Variants in ARHGEF9 observed in about 807,000 individuals in gnomAD.
The protein encoded by ARHGEF9 is rho guanine nucleotide exchange factor 9.
ARHGEF9 carries 2 observed loss-of-function variants against 41.3 expected under a neutral mutation model. The observed-to-expected ratio is 0.05, with a 90% CI of 0.02 to 0.15. ARHGEF9 has a LOEUF of 0.15. Among genes scored for constraint, ARHGEF9 ranks in the 10% least tolerant of loss-of-function variants. The pLI, the probability that ARHGEF9 is intolerant of heterozygous loss-of-function variation, is 1.00. For synonymous variants in ARHGEF9, 160 were observed against 154.4 expected (o/e 1.04, Z -0.27); for missense variants, 225 against 424.7 (o/e 0.53, Z 4.13).
At chrX:63,747,532 G>A (rs1466278173) in intron 1 of ARHGEF9, among the ~76,000 whole-genome samples, 3 of 111,863 alleles carry the variant, frequency 2.7e-5, no homozygotes, top group Admixed American at 9.5e-5. Context: ...CATTTCCTAT[G>A]AAGCATTCCA....
chrX:63,698,573 G>C (rs2051936831), intron 3 of ARHGEF9, among the ~76,000 whole-genome samples: 1 of 111,006 alleles, frequency 9.0e-6, no homozygotes, highest in Admixed American at 9.6e-5. Flanking sequence ...GTTTTACAGG[G>C]ACTGATTTAC....
At position 63,711,351 on chromosome X, in the gene ARHGEF9, A is replaced by T. The variant is rs1310416004; in HGVS notation, c.211-4902T>A. The stretch of plus-strand genomic sequence containing the variant: ...TCAAGGGACCTAGGATAACCAAAAC[A>T]ATTTTGAAAAAGGAGAATAAAGTTG... On this transcript the variant is annotated intron_variant, in intron 2 of 9. Coordinates refer to ENST00000671741, the MANE Select transcript of ARHGEF9 (RefSeq NM_001353921.2). Among the ~76,000 whole-genome samples the T allele has an allele frequency of 5.4e-5, 6 of 111,676 alleles. No homozygotes were observed. In the Admixed American group the frequency reaches 5.7e-4, roughly 11 times the overall value.
chrX:63,640,255 C>T (rs1363938331), intron 9 of ARHGEF9: 1 of 111,885 alleles, frequency 8.9e-6, no homozygotes, highest in Non-Finnish European at 1.9e-5. Context: ...CATATCAATA[C>T]AAAATAAATT....
intron 7 of ARHGEF9, among the ~76,000 whole-genome samples, chrX:63,661,117 T>C (rs782280086): frequency 8.9e-6 from 1 of 112,174 alleles, no homozygotes; most frequent in Admixed American, 9.4e-5. Context: ...ACTCAGGAGT[T>C]CTGGTTTCAA....
In ARHGEF9 at chrX:63,755,334, C is replaced by A. The variant is rs1325694282; in HGVS notation, c.30+29782G>T. On this transcript the variant is annotated intron_variant, in intron 1 of 9. Coordinates refer to ENST00000671741, the MANE Select transcript of ARHGEF9 (RefSeq NM_001353921.2). Reference sequence around the variant, plus strand: ...CCAAGCAAGCTCGCTCTCCCCAGACCGGCGAGAGTCACCAGCCACCAGTTC... The same window carrying A: ...CCAAGCAAGCTCGCTCTCCCCAGACAGGCGAGAGTCACCAGCCACCAGTTC... 1.2e-5 allele frequency: 8 copies of A among 682,184 alleles called. No individual in the cohort carries two copies. The Middle Eastern group carries it at 1.7e-3, about 145-fold the overall frequency. The allele number at this position is 682,184 out of a possible 1,213,427, so 56.2% of individuals were successfully genotyped here.
intron 1 of ARHGEF9, among the ~76,000 whole-genome samples, chrX:63,734,304 A>G (rs2054485418): frequency 8.9e-6 from 1 of 112,214 alleles, no homozygotes; most frequent in African/African-American, 3.2e-5. Flanking sequence ...GGTCCTATAT[A>G]CTACAACAGC....
At chrX:63,699,627 T>G (rs1288116568) in intron 3 of ARHGEF9, among the ~76,000 whole-genome samples, 1 of 112,305 alleles carries the variant, frequency 8.9e-6, no homozygotes, top group South Asian at 3.7e-4. Context: ...TATTATATTA[T>G]GTATGTTATG....
chrX:63,770,263 T>G (rs1305361032), intron 1 of ARHGEF9, among the ~76,000 whole-genome samples: 9 of 112,837 alleles, frequency 8.0e-5, no homozygotes, highest in Non-Finnish European at 1.7e-4. Context: ...GTAACTGGAA[T>G]GTAAAGTATA....
At chrX:63,724,016 T>A (rs1410495825) in intron 2 of ARHGEF9, among the ~76,000 whole-genome samples, 3 of 112,087 alleles carry the variant, frequency 2.7e-5, no homozygotes, top group Non-Finnish European at 3.8e-5. Context: ...GCTCACACTC[T>A]TATATTAACA....
chrX:63,734,571 T>C (rs782271212), intron 1 of ARHGEF9, among the ~76,000 whole-genome samples: 43 of 111,869 alleles, frequency 3.8e-4, no homozygotes, highest in African/African-American at 1.3e-3. Context: ...TTGCAGGAAT[T>C]TCCTCTTACT....
At chrX:63,740,293 C>A (rs1197357907) in intron 1 of ARHGEF9, among the ~76,000 whole-genome samples, 1 of 112,245 alleles carries the variant, frequency 8.9e-6, no homozygotes, top group Non-Finnish European at 1.9e-5. Context: ...CTTTGACCAA[C>A]CTGACTCCAT....
intron 8 of ARHGEF9, among the ~76,000 whole-genome samples, chrX:63,646,346 G>A (rs2048065944): frequency 9.0e-6 from 1 of 111,645 alleles, no homozygotes; most frequent in Non-Finnish European, 1.9e-5. Context: ...TTTCTTCTGG[G>A]GTTTTTATGG....
intron 1 of ARHGEF9, among the ~76,000 whole-genome samples, chrX:63,774,444 C>T (rs191235005): frequency 3.0e-4 from 34 of 111,815 alleles, no homozygotes; most frequent in Admixed American, 9.5e-4. Flanking sequence ...CAAAGGAATC[C>T]TCCACTACTT....
intron 2 of ARHGEF9, 97 bp downstream of exon 2, chrX:63,724,435 C>A: frequency 3.0e-6 from 3 of 988,938 alleles, no homozygotes; most frequent in South Asian, 2.1e-5. Context: ...GAAAAGCCAC[C>A]AGGAGAGAAA....
chrX:63,644,021 C>T lies in ARHGEF9; in HGVS notation c.1349G>A (p.Arg450Lys). The T allele has an allele frequency of 2.5e-6, 3 of 1,210,220 alleles. No individual in the cohort carries two copies. Among genetic ancestry groups the T allele is most frequent in the Non-Finnish European group, 3.4e-6 (3 of 894,959 alleles). Residue 450 changes from arginine to lysine, a missense_variant, in exon 9 of 10, where the codon AGG (arginine) becomes AAG (lysine). Arg to Lys is a conservative substitution (Grantham distance 26, BLOSUM62 2). Transcript: ENST00000671741. ...TTTTCTCACAGTCATTGCAGCCTGC[C>T]TCTTCTGGTTTTCAGAAATTTCAAA... is the stretch of plus-strand genomic sequence containing the variant. ...IGFEISENQKRQAAMTVRKVP... is the reference protein window; with the variant it reads ...IGFEISENQKKQAAMTVRKVP...
chrX:63,781,903 T>C (rs2056387642), intron 1 of ARHGEF9, among the ~76,000 whole-genome samples: 1 of 112,106 alleles, frequency 8.9e-6, no homozygotes, highest in Non-Finnish European at 1.9e-5. Context: ...TTTCTGGATG[T>C]TCTTTATGCC....
At chrX:63,707,827 C>T (rs1364368595) in intron 2 of ARHGEF9, among the ~76,000 whole-genome samples, 5 of 111,367 alleles carry the variant, frequency 4.5e-5, no homozygotes, top group African/African-American at 1.6e-4. Flanking sequence ...CTTTCTTTTT[C>T]TCACAGGAGG....
intron 1 of ARHGEF9, among the ~76,000 whole-genome samples, chrX:63,770,172 A>G (rs144289349): frequency 0.034 from 3,837 of 112,722 alleles, 104 homozygotes; most frequent in African/African-American, 0.086. Context: ...TCTTCCATCA[A>G]TGTAACCTGA....
intron 8 of ARHGEF9, among the ~76,000 whole-genome samples, chrX:63,645,628 T>C (rs1222677640): frequency 7.1e-5 from 8 of 112,203 alleles, no homozygotes; most frequent in Admixed American, 1.9e-4. Context: ...CAGTCTATCA[T>C]TGTTGGACAT....
Sources: allele counts gnomAD v4.1 joint callset (sites outside exome capture counted in the v4.1 genomes callset), GRCh38; gene constraint gnomAD v4.1.1; transcripts MANE v1.5; gene names NCBI Gene and HGNC (gene_info 2026-07-23, HGNC 2026-07-21).